MGARP: variants seen among roughly 807,000 people sequenced by gnomAD.
MGARP encodes the protein protein MGARP.
MGARP carries 12 observed loss-of-function variants against 11.0 expected under a neutral mutation model. That is an observed-to-expected ratio of 1.09 (90% CI 0.70 to 1.77). The LOEUF is 1.77. MGARP is among the 40% of genes most tolerant of loss of function. MGARP has a pLI of 0.00. For synonymous variants in MGARP, 110 were observed against 115.4 expected, an observed-to-expected ratio of 0.95 and a Z score of 0.30; for missense variants, 283 against 297.8, an observed-to-expected ratio of 0.95 and a Z score of 0.36.
chr4:139,270,298 C>CAAA (rs963066917), intron 2 of MGARP, among the ~76,000 whole-genome samples: 3 of 66,444 alleles, frequency 4.5e-5, no homozygotes, highest in African/African-American at 1.0e-4. Flanking sequence ...AACTCCGTCT[C>CAAA]AAAAAAAAAA....
Position 139,266,701 on chromosome 4 carries a change from T to C in MGARP, c.621A>G (p.Glu207=), listed in dbSNP as rs770289169. ...TKNETSDEYA[E]LEEENSPAES... is the part of the protein sequence containing the mutation. ...CAGCTGGAGAATTTTCTTCTTCTAG[T>C]TCAGCATATTCATCAGAGGTTTCGT... Residue 207 remains glutamate, a synonymous_variant, in exon 4 of 4, where the codon GAA becomes GAG. Coordinates refer to ENST00000398955, the MANE Select transcript of MGARP (RefSeq NM_032623.4). 6.2e-6 allele frequency: 10 copies of C among 1,614,066 alleles called. No individual in the cohort carries two copies. The Admixed American group carries it at 1.7e-4, about 27-fold the overall frequency.
At chr4:139,270,566 A>G (rs1431691329) in intron 2 of MGARP, among the ~76,000 whole-genome samples, 51 of 148,100 alleles carry the variant, frequency 3.4e-4, no homozygotes, top group African/African-American at 1.2e-3. Context: ...CAGAGATCGT[A>G]CCACTGCACT....
At position 139,266,570 on chromosome 4, in the gene MGARP, T is replaced by A. The variant is rs749220580; in HGVS notation, c.*29A>T. 6 of 1,593,000 alleles carry A rather than the reference T, an allele frequency of 3.8e-6. No homozygotes were observed. The South Asian group carries it at 6.7e-5, about 18-fold the overall frequency. On this transcript the variant is annotated 3_prime_UTR_variant, in exon 4 of 4. Coordinates refer to ENST00000398955, the MANE Select transcript of MGARP (RefSeq NM_032623.4). Reference sequence around the variant, plus strand: ...GCACTTATCAGACACCCTATGGCATTTGTTGCTGAAATGTCTACCGGCTGG... The same window carrying A: ...GCACTTATCAGACACCCTATGGCATATGTTGCTGAAATGTCTACCGGCTGG...
intron 2 of MGARP, among the ~76,000 whole-genome samples, chr4:139,272,691 T>C (rs916515260): frequency 1.4e-5 from 2 of 141,810 alleles, no homozygotes; most frequent in Non-Finnish European, 3.1e-5. Context: ...TATTTCTTTT[T>C]TTTTTTTTTT....
intron 1 of MGARP, among the ~76,000 whole-genome samples, chr4:139,275,866 A>G (rs1211394105): frequency 6.6e-6 from 1 of 152,250 alleles, no homozygotes; most frequent in African/African-American, 2.4e-5. Context: ...TCATATTTCT[A>G]TAAATCTATA....
In MGARP at chr4:139,275,423, T is replaced by A. The variant is rs1031504369; in HGVS notation, c.83-31A>T. Reference sequence around the variant, plus strand: ...AAAAAAATGTTTAAACACAGTTAGCTTCACTAGTTGAGCAAAACTATTTTA... The same window carrying A: ...AAAAAAATGTTTAAACACAGTTAGCATCACTAGTTGAGCAAAACTATTTTA... On this transcript the variant is annotated intron_variant, in intron 1 of 3. Transcript: ENST00000398955. 49 of 1,555,444 alleles carry A rather than the reference T, an allele frequency of 3.2e-5. No individual in the cohort carries two copies. The African/African-American group carries it at 6.4e-4, about 20-fold the overall frequency.
intron 1 of MGARP, 78 bp downstream of exon 1, chr4:139,279,999 C>A (rs2110736481): frequency 6.6e-7 from 1 of 1,503,880 alleles, no homozygotes; most frequent in East Asian, 2.3e-5. Context: ...CAACTGGGTG[C>A]CGGCCGGTTC....
At chr4:139,269,630 C>CAAAAAA (rs56142345) in intron 2 of MGARP, among the ~76,000 whole-genome samples, 2 of 81,834 alleles carry the variant, frequency 2.4e-5, no homozygotes, top group African/African-American at 4.0e-5. Context: ...GACTCCATCT[C>CAAAAAA]AAAAAAAAAA....
At chr4:139,271,571 C>T (rs1272624426) in intron 2 of MGARP, among the ~76,000 whole-genome samples, 2 of 152,050 alleles carry the variant, frequency 1.3e-5, no homozygotes, top group African/African-American at 2.4e-5. Flanking sequence ...TCCAATGACC[C>T]CTAATAGTCG....
chr4:139,272,016 T>A (rs766768119), intron 2 of MGARP, among the ~76,000 whole-genome samples: 7 of 152,068 alleles, frequency 4.6e-5, no homozygotes, highest in Non-Finnish European at 1.5e-5. Flanking sequence ...AATTCATCCT[T>A]CTAGCTTCCC....
intron 1 of MGARP, among the ~76,000 whole-genome samples, chr4:139,276,073 A>G (rs1019408981): frequency 2.6e-5 from 4 of 152,242 alleles, no homozygotes; most frequent in Non-Finnish European, 4.4e-5. Context: ...TAACATTTGC[A>G]TATCCTATAA....
chr4:139,273,920 G>A (rs1168854811), intron 2 of MGARP, among the ~76,000 whole-genome samples: 3 of 152,176 alleles, frequency 2.0e-5, no homozygotes, highest in Non-Finnish European at 2.9e-5. Flanking sequence ...TGTCATTTTA[G>A]TCCCAAAATC....
Position 139,275,284 on chromosome 4 carries a change from C to T in MGARP, c.186+5G>A. 1 of 1,604,172 alleles carries T rather than the reference C, an allele frequency of 6.2e-7. No homozygotes were observed. The highest frequency in any genetic ancestry group is 1.1e-5 in the South Asian group (1 of 90,676). ...CTTGAGCACTGTGGTTATATAATCA[C>T]TTACATAATATCCACCAGCACTGAC... On this transcript the variant is annotated splice_donor_5th_base_variant and intron_variant, in intron 2 of 3. Transcript: ENST00000398955.
chr4:139,269,596 A>C (rs1744747753), intron 2 of MGARP, among the ~76,000 whole-genome samples: 1 of 145,066 alleles, frequency 6.9e-6, no homozygotes, highest in Admixed American at 7.3e-5. Context: ...ATGCCATTGC[A>C]CTCCACCCTG....
At chr4:139,279,549 C>T (rs1288616716) in intron 1 of MGARP, among the ~76,000 whole-genome samples, 1 of 152,100 alleles carries the variant, frequency 6.6e-6, no homozygotes. Flanking sequence ...GGTTTATTTA[C>T]CCCACGAACA....
chr4:139,276,512 G>A (rs76085837), intron 1 of MGARP, among the ~76,000 whole-genome samples: 8,804 of 152,134 alleles, frequency 0.058, 288 homozygotes, highest in East Asian at 0.1. Context: ...TGAGAGATTC[G>A]TGACCCAGAA....
chr4:139,271,896 C>A (rs1560931706), intron 2 of MGARP, among the ~76,000 whole-genome samples: 2 of 152,158 alleles, frequency 1.3e-5, no homozygotes, highest in African/African-American at 2.4e-5. Flanking sequence ...AAATGTATAA[C>A]CTTTTAGTTT....
intron 2 of MGARP, 36 bp downstream of exon 2, chr4:139,275,253 T>C (rs926672362): frequency 5.2e-6 from 8 of 1,548,798 alleles, no homozygotes; most frequent in Middle Eastern, 1.7e-4. Flanking sequence ...GTAAAATACA[T>C]GAATTCTTGA....
intron 2 of MGARP, among the ~76,000 whole-genome samples, chr4:139,272,602 TTTTGG>T (rs1323081323): frequency 6.6e-6 from 1 of 151,230 alleles, no homozygotes; most frequent in Admixed American, 6.6e-5. Flanking sequence ...AGAATATGTA[TTTTGG>T]TTTGGTTTGG....
Sources: allele counts gnomAD v4.1 joint callset (sites outside exome capture counted in the v4.1 genomes callset), GRCh38; gene constraint gnomAD v4.1.1; transcripts MANE v1.5; gene names NCBI Gene and HGNC (gene_info 2026-07-23, HGNC 2026-07-21).